ST6GALNAC3: variants seen among roughly 807,000 people sequenced by gnomAD.
ST6GALNAC3 encodes alpha-N-acetylgalactosaminide alpha-2,6-sialyltransferase 3.
A neutral mutation model predicts 32.7 loss-of-function variants in ST6GALNAC3; 25 were observed. That is an observed-to-expected ratio of 0.76 (90% confidence interval 0.56 to 1.07). ST6GALNAC3 has a LOEUF of 1.07. Ranked by LOEUF, ST6GALNAC3 falls within the 50% of genes least tolerant of loss-of-function variation. The pLI, the probability that ST6GALNAC3 is intolerant of heterozygous loss-of-function variation, is 0.00. For synonymous variants in ST6GALNAC3, 129 were observed against 133.1 expected, an observed-to-expected ratio of 0.97 and a Z score of 0.21; for missense variants, 355 against 382.4, an observed-to-expected ratio of 0.93 and a Z score of 0.60.
rs563771790 is a variant in ST6GALNAC3, at chr1:76,211,926, A to C, written c.19-101879A>C. Among the ~76,000 whole-genome samples the C allele has an allele frequency of 2.0e-5, 3 of 152,276 alleles. No individual in the cohort carries two copies. In the South Asian group the frequency reaches 6.2e-4, roughly 32 times the overall value. Reference sequence around the variant, plus strand: ...ATTGTGCACATGTACCCTAAAACTTAAAGTATAATAAAGAATAAAAATAAA... The same window carrying C: ...ATTGTGCACATGTACCCTAAAACTTCAAGTATAATAAAGAATAAAAATAAA... On this transcript the variant is annotated intron_variant, in intron 1 of 4. Coordinates refer to ENST00000328299, the MANE Select transcript of ST6GALNAC3 (RefSeq NM_152996.4).
At chr1:76,135,117 G>A (rs981253435) in intron 1 of ST6GALNAC3, among the ~76,000 whole-genome samples, 2 of 151,870 alleles carry the variant, frequency 1.3e-5, no homozygotes, top group Non-Finnish European at 2.9e-5. Flanking sequence ...ACTCTAGCCT[G>A]GGCAATAGAG....
At chr1:76,522,349 T>C (rs900466357) in intron 3 of ST6GALNAC3, among the ~76,000 whole-genome samples, 4 of 151,948 alleles carry the variant, frequency 2.6e-5, no homozygotes, top group Non-Finnish European at 5.9e-5. Context: ...AATTTGGAAA[T>C]TTTTTTTGCC....
At chr1:76,141,977 A>G (rs1197640040) in intron 1 of ST6GALNAC3, among the ~76,000 whole-genome samples, 2 of 152,230 alleles carry the variant, frequency 1.3e-5, no homozygotes, top group Admixed American at 6.5e-5. Flanking sequence ...TCAAGTGCTA[A>G]GGCTTCAGAT....
intron 1 of ST6GALNAC3, among the ~76,000 whole-genome samples, chr1:76,267,654 C>T (rs577739360): frequency 4.1e-4 from 62 of 152,196 alleles, no homozygotes; most frequent in Admixed American, 7.2e-4. Flanking sequence ...TTATCACCTC[C>T]GTAAAATTGC....
intron 1 of ST6GALNAC3, among the ~76,000 whole-genome samples, chr1:76,284,295 A>G (rs1299499515): frequency 6.6e-6 from 1 of 152,218 alleles, no homozygotes; most frequent in African/African-American, 2.4e-5. Flanking sequence ...TTGTAAGCAA[A>G]AACTGACAAA....
intron 1 of ST6GALNAC3, among the ~76,000 whole-genome samples, chr1:76,244,742 C>T (rs187039115): frequency 2.5e-4 from 38 of 152,080 alleles, no homozygotes; most frequent in Admixed American, 1.2e-3. Flanking sequence ...TGATGGAATA[C>T]GTTTATTGAT....
intron 3 of ST6GALNAC3, among the ~76,000 whole-genome samples, chr1:76,479,913 AAAAC>A (rs1469664288): frequency 6.6e-6 from 1 of 152,202 alleles, no homozygotes. Context: ...ATCAAAAACA[AAAAC>A]AAAAAAATAA....
chr1:76,455,475 A>C (rs1571283776), intron 3 of ST6GALNAC3, among the ~76,000 whole-genome samples: 1 of 152,306 alleles, frequency 6.6e-6, no homozygotes, highest in South Asian at 2.1e-4. Flanking sequence ...GTTTTTCTCT[A>C]GAGAGACATT....
At chr1:76,529,674 C>T (rs1057260958) in intron 3 of ST6GALNAC3, among the ~76,000 whole-genome samples, 8 of 152,070 alleles carry the variant, frequency 5.3e-5, no homozygotes, top group African/African-American at 1.7e-4. Context: ...AATCTTGTGG[C>T]GTTTTTAGTG....
chr1:76,387,179 C>A (rs1252145008), intron 2 of ST6GALNAC3, among the ~76,000 whole-genome samples: 1 of 152,092 alleles, frequency 6.6e-6, no homozygotes, highest in Non-Finnish European at 1.5e-5. Flanking sequence ...AAGTCAATAA[C>A]CAAACCCTTT....
At chr1:76,446,946 T>C (rs1657019221) in intron 3 of ST6GALNAC3, among the ~76,000 whole-genome samples, 1 of 152,110 alleles carries the variant, frequency 6.6e-6, no homozygotes, top group East Asian at 1.9e-4. Flanking sequence ...AGTAAATTGG[T>C]ACCAGTAGAG....
intron 3 of ST6GALNAC3, among the ~76,000 whole-genome samples, chr1:76,440,946 G>A (rs1020628792): frequency 6.6e-6 from 1 of 151,982 alleles, no homozygotes; most frequent in Non-Finnish European, 1.5e-5. Context: ...AAATTAGCTG[G>A]GCATGGTGGG....
At chr1:76,447,305 G>A (rs1355824683) in intron 3 of ST6GALNAC3, among the ~76,000 whole-genome samples, 2 of 152,184 alleles carry the variant, frequency 1.3e-5, no homozygotes, top group Non-Finnish European at 2.9e-5. Flanking sequence ...GCATCTGGCA[G>A]AAGAAATTTC....
chr1:76,623,682 T>C (rs2100711177), intron 3 of ST6GALNAC3, among the ~76,000 whole-genome samples: 1 of 152,130 alleles, frequency 6.6e-6, no homozygotes, highest in Middle Eastern at 3.4e-3. Context: ...ACTAAGTCTT[T>C]CCAAGCTGGA....
intron 3 of ST6GALNAC3, among the ~76,000 whole-genome samples, chr1:76,620,907 G>A (rs1384367081): frequency 6.6e-6 from 1 of 152,018 alleles, no homozygotes; most frequent in Non-Finnish European, 1.5e-5. Context: ...GAAAGTGAAT[G>A]AAATCTAGAA....
At chr1:76,307,661 C>T (rs1661142101) in intron 1 of ST6GALNAC3, among the ~76,000 whole-genome samples, 2 of 152,036 alleles carry the variant, frequency 1.3e-5, no homozygotes, top group African/African-American at 4.8e-5. Flanking sequence ...AAATAAAAAA[C>T]ACAACTTTAT....
chr1:76,282,108 T>C (rs1340417162), intron 1 of ST6GALNAC3, among the ~76,000 whole-genome samples: 1 of 152,078 alleles, frequency 6.6e-6, no homozygotes, highest in Non-Finnish European at 1.5e-5. Flanking sequence ...GAGACAAGAA[T>C]TATATGTGTT....
intron 1 of ST6GALNAC3, among the ~76,000 whole-genome samples, chr1:76,182,378 T>C (rs1302246287): frequency 6.6e-6 from 1 of 152,192 alleles, no homozygotes; most frequent in African/African-American, 2.4e-5. Flanking sequence ...ATGAAACTAA[T>C]ATCTGGTCTT....
intron 2 of ST6GALNAC3, among the ~76,000 whole-genome samples, chr1:76,349,870 G>T (rs1648827594): frequency 6.6e-6 from 1 of 152,104 alleles, no homozygotes; most frequent in Non-Finnish European, 1.5e-5. Context: ...AGTGTCTCTT[G>T]TCTGTCCAGC....
Sources: gnomAD v4.1 joint callset for allele counts (sites outside exome capture counted in the v4.1 genomes callset) on GRCh38, gnomAD v4.1.1 for gene constraint, MANE v1.5 for transcripts, NCBI Gene and HGNC (gene_info 2026-07-23, HGNC 2026-07-21) for gene names.